The following SPAST variants were observed in gnomAD, a reference collection of about 807,000 sequenced individuals.
SPAST encodes the protein spastic paraplegia 4 (autosomal dominant; spastin).
Under a neutral mutation model 76.6 loss-of-function variants are expected in SPAST, and 30 were observed. The observed-to-expected ratio is 0.39, with a 90% CI of 0.29 to 0.53. The LOEUF (loss-of-function observed/expected upper bound fraction) is 0.53. Ranked by LOEUF, SPAST falls within the 20% of genes least tolerant of loss-of-function variation. The probability of loss-of-function intolerance (pLI) is 0.68; values close to 1 mark genes in which losing one functional copy is unlikely to be tolerated. For missense variants in SPAST, 717 were observed against 770.5 expected (o/e 0.93, Z 0.82); for synonymous variants, 305 against 281.0 (o/e 1.09, Z -0.86).
Position 32,081,653 on chromosome 2 carries a change from G to A in SPAST, c.416-5839G>A, listed in dbSNP as rs565412647. Among the ~76,000 whole-genome samples, 147 of 151,652 alleles carry A rather than the reference G, an allele frequency of 9.7e-4. 1 individual carries two copies. Among genetic ancestry groups the A allele is most frequent in the Middle Eastern group, 3.4e-3 (1 of 292 alleles). On this transcript the variant is annotated intron_variant, in intron 1 of 16. Transcript: ENST00000315285. ...ACAAAACTTAGCTGGGCGTGGTAGC[G>A]TGTGCCTGTAGTCCCAGCTACTCAG...
intron 9 of SPAST, among the ~76,000 whole-genome samples, chr2:32,132,469 T>C (rs1679402067): frequency 6.6e-6 from 1 of 152,092 alleles, no homozygotes; most frequent in Non-Finnish European, 1.5e-5. Context: ...ATTTTTTCCT[T>C]ATGTCTAACT....
At chr2:32,092,297 A>C (rs964210906) in intron 3 of SPAST, among the ~76,000 whole-genome samples, 6 of 152,206 alleles carry the variant, frequency 3.9e-5, no homozygotes, top group African/African-American at 1.2e-4. Flanking sequence ...ATAGTGTATT[A>C]AAGTTTGTTG....
At chr2:32,150,239 A>ATTTTTTTTTTTTTTTTTTTT in intron 16 of SPAST, among the ~76,000 whole-genome samples, 1 of 66,568 alleles carries the variant, frequency 1.5e-5, no homozygotes, top group Non-Finnish European at 2.7e-5. Context: ...CGCCCAGCTA[A>ATTTTTTTTTTTTTTTTTTTT]TTTTTTTTTT....
At chr2:32,147,359 T>TTTG in intron 16 of SPAST, 101 bp downstream of exon 16, 1 of 731,660 alleles carries the variant, frequency 1.4e-6, no homozygotes, top group South Asian at 1.7e-5. Context: ...TTTTTTTTTT[T>TTTG]TTTTTTTTTT....
intron 7 of SPAST, among the ~76,000 whole-genome samples, chr2:32,119,413 A>G (rs1190994480): frequency 6.6e-6 from 1 of 152,198 alleles, no homozygotes; most frequent in African/African-American, 2.4e-5. Context: ...AGTGGCAGGC[A>G]TTCTTGAGTA....
chr2:32,114,844 T>G lies in SPAST; in HGVS notation c.870+19T>G. 1 of 1,601,212 alleles carries G rather than the reference T, an allele frequency of 6.2e-7. No individual in the cohort carries two copies. Among genetic ancestry groups the G allele is most frequent in the Non-Finnish European group, 8.6e-7 (1 of 1,168,262 alleles). On this transcript the variant is annotated intron_variant, in intron 5 of 16. Transcript: ENST00000315285. ...TCATAAGGTATTCTGGGACAGTAAC[T>G]TTAATTGCTGTCTTTTTGCAAATAG...
chr2:32,109,171 C>T (rs1243939796), intron 4 of SPAST, among the ~76,000 whole-genome samples: 2 of 151,904 alleles, frequency 1.3e-5, no homozygotes, highest in Non-Finnish European at 2.9e-5. Context: ...TGCAGTGGCA[C>T]GATTTCAGCT....
At chr2:32,150,357 TA>T (rs1680041434) in intron 16 of SPAST, among the ~76,000 whole-genome samples, 1 of 149,912 alleles carries the variant, frequency 6.7e-6, no homozygotes. Flanking sequence ...CCCAAAGTGC[TA>T]GGGATTACAG....
At chr2:32,132,981 G>A (rs1679420558) in intron 9 of SPAST, among the ~76,000 whole-genome samples, 1 of 152,214 alleles carries the variant, frequency 6.6e-6, no homozygotes. Context: ...AGGAGGCGGA[G>A]GTTGCGGTGA....
rs1019552776 is a variant in SPAST, at chr2:32,078,116, A to G, written c.416-9376A>G. Among the ~76,000 whole-genome samples the G allele has an allele frequency of 3.3e-5, 5 of 151,454 alleles. No individual in the cohort carries two copies. In the East Asian group the frequency reaches 9.7e-4, roughly 29 times the overall value. On this transcript the variant is annotated intron_variant, in intron 1 of 16. Transcript: ENST00000315285. ...CGCCATTCTCCTGCCTCAGCCTCCC[A>G]AGTAGCTGGGACTACAGGCGCCCGC...
At position 32,156,710 on chromosome 2, in the gene SPAST, T is replaced by C. The variant is rs986151563; in HGVS notation, c.*2214T>C. On this transcript the variant is annotated 3_prime_UTR_variant, in exon 17 of 17. Coordinates refer to ENST00000315285, the MANE Select transcript of SPAST (RefSeq NM_014946.4). ...ACTGGCTAATCATATTAAAGGACTA[T>C]GTGGTTCCAGCTCAACTTTTAATAT... The C allele has an allele frequency of 6.6e-6, 1 of 152,206 alleles. No homozygotes were observed. Among genetic ancestry groups the C allele is most frequent in the Non-Finnish European group, 1.5e-5 (1 of 68,030 alleles). The allele number at this position is 152,206 out of a possible 1,614,324, so 9.4% of individuals were successfully genotyped here. A position where few individuals can be genotyped will look rare whatever the true frequency, so the allele number is the denominator to read the frequency against.
intron 5 of SPAST, 132 bp downstream of exon 5, chr2:32,114,957 A>AATT: frequency 2.0e-6 from 1 of 492,176 alleles, no homozygotes; most frequent in Non-Finnish European, 3.5e-6. Context: ...ATAAAGTTAA[A>AATT]TTTTTTTTTT....
Position 32,112,245 on chromosome 2 carries a change from G to A in SPAST, c.683-2393G>A, listed in dbSNP as rs373953150. On this transcript the variant is annotated intron_variant, in intron 4 of 16. Transcript: ENST00000315285. ...TAGGATTACAGGCATGAACCACTGC[G>A]TCTGGCCTTAAGTTATTATTGACTA... Among the ~76,000 whole-genome samples, 24 of 151,694 alleles carry A rather than the reference G, an allele frequency of 1.6e-4. 1 individual carries two copies. In the East Asian group the frequency reaches 2.3e-3, roughly 15 times the overall value.
chr2:32,071,613 A>G (rs1316890338), intron 1 of SPAST, among the ~76,000 whole-genome samples: 3 of 152,200 alleles, frequency 2.0e-5, no homozygotes, highest in African/African-American at 7.2e-5. Context: ...CGTCAGTTAA[A>G]CATGTAAGAT....
At chr2:32,088,402 T>C (rs576634813) in intron 2 of SPAST, among the ~76,000 whole-genome samples, 1 of 151,228 alleles carries the variant, frequency 6.6e-6, no homozygotes, top group East Asian at 2.0e-4. Flanking sequence ...CCCAGCACTT[T>C]GGGAGGCCGA....
chr2:32,123,325 A>G (rs1679080520), intron 7 of SPAST, among the ~76,000 whole-genome samples: 1 of 152,160 alleles, frequency 6.6e-6, no homozygotes, highest in African/African-American at 2.4e-5. Context: ...TAGTTCTAAC[A>G]AAGTTTGTTG....
intron 1 of SPAST, among the ~76,000 whole-genome samples, chr2:32,082,618 C>A (rs567459495): frequency 7.9e-5 from 12 of 152,090 alleles, no homozygotes; most frequent in African/African-American, 2.9e-4. Context: ...ATTGCTTGAA[C>A]CTGTGAGGCG....
At chr2:32,108,776 T>TTC (rs1239195261) in intron 4 of SPAST, among the ~76,000 whole-genome samples, 1 of 143,364 alleles carries the variant, frequency 7.0e-6, no homozygotes, top group Non-Finnish European at 1.5e-5. Flanking sequence ...TTTTTTTTTT[T>TTC]TTTTTTTGTG....
At chr2:32,081,433 G>A (rs114503498) in intron 1 of SPAST, among the ~76,000 whole-genome samples, 3,196 of 152,264 alleles carry the variant, frequency 0.021, 52 homozygotes, top group Non-Finnish European at 0.033. Flanking sequence ...CAGGGTCCCA[G>A]CCAAAATCTT....
Sources: allele counts gnomAD v4.1 joint callset (sites outside exome capture counted in the v4.1 genomes callset), GRCh38; gene constraint gnomAD v4.1.1; transcripts MANE v1.5; gene names NCBI Gene and HGNC (gene_info 2026-07-23, HGNC 2026-07-21).